GAN: variants seen among roughly 807,000 people sequenced by gnomAD.
The protein encoded by GAN is gigaxonin, also known as epididymis secretory sperm binding protein.
In GAN, 48 loss-of-function variants were observed where a neutral mutation model predicts 71.3. The observed-to-expected ratio is 0.67, with a 90% CI of 0.53 to 0.86. The LOEUF (loss-of-function observed/expected upper bound fraction) is 0.86. Among genes scored for constraint, GAN ranks in the 40% least tolerant of loss-of-function variants. GAN has a pLI of 0.00. For missense variants in GAN, 928 were observed against 770.1 expected (o/e 1.21, Z -2.43); for synonymous variants, 386 against 276.8 (o/e 1.39, Z -3.92).
chr16:81,353,232 C>T (rs1910360683), intron 2 of GAN, among the ~76,000 whole-genome samples: 1 of 145,564 alleles, frequency 6.9e-6, no homozygotes, highest in Non-Finnish European at 1.5e-5. Flanking sequence ...GCGGAGCCTG[C>T]AGTGAGCCGA....
chr16:81,368,933 G>A (rs547428828), intron 9 of GAN, among the ~76,000 whole-genome samples: 1 of 152,144 alleles, frequency 6.6e-6, no homozygotes, highest in African/African-American at 2.4e-5. Flanking sequence ...AAAGGTAATA[G>A]TTCTTAGCCA....
rs527439140 is a variant in GAN at position 81,318,756 on chromosome 16, G to A, written c.167+3476G>A. Among the ~76,000 whole-genome samples, 251 of 152,180 alleles carry A rather than the reference G, an allele frequency of 1.6e-3. 2 individuals carry two copies. Among genetic ancestry groups the A allele is most frequent in the African/African-American group, 5.7e-3 (236 of 41,492 alleles). ...ATTAGAAAGATTTTAAATATAAAAG[G>A]AAAAGGCCAGAAAACTCAGCTTTGG... On this transcript the variant is annotated intron_variant, in intron 1 of 10. Coordinates refer to ENST00000648994, the MANE Select transcript of GAN (RefSeq NM_022041.4).
chr16:81,338,894 T>G (rs909626880), intron 1 of GAN, among the ~76,000 whole-genome samples: 3 of 152,200 alleles, frequency 2.0e-5, no homozygotes, highest in East Asian at 3.9e-4. Flanking sequence ...GACAGGTAGA[T>G]GATCATCCAG....
At chr16:81,336,949 C>A (rs1255173851) in intron 1 of GAN, among the ~76,000 whole-genome samples, 1 of 152,006 alleles carries the variant, frequency 6.6e-6, no homozygotes, top group Non-Finnish European at 1.5e-5. Flanking sequence ...ATCATTGTCA[C>A]TCAAAGATTG....
rs546422737 is a variant in GAN, at chr16:81,344,776, T to A, written c.168-6807T>A. 3.9e-5 allele frequency among the ~76,000 whole-genome samples: 6 copies of A among 152,186 alleles called. No individual in the cohort carries two copies. In the South Asian group the frequency reaches 1.2e-3, roughly 32 times the overall value. ...ACAAATGGGATCTAATTAAAGAACT[T>A]CTGCACAGCAAAAGAAACTACCCTC... On this transcript the variant is annotated intron_variant, in intron 1 of 10. Transcript: ENST00000648994.
At chr16:81,353,770 A>C (rs1910386228) in intron 2 of GAN, among the ~76,000 whole-genome samples, 1 of 152,148 alleles carries the variant, frequency 6.6e-6, no homozygotes, top group South Asian at 2.1e-4. Context: ...AAAATTAAGG[A>C]AAAGTAGATG....
chr16:81,367,556 A>T (rs1203928806), intron 9 of GAN, among the ~76,000 whole-genome samples: 10 of 152,118 alleles, frequency 6.6e-5, no homozygotes, highest in Non-Finnish European at 1.3e-4. Flanking sequence ...TTCCAAATAA[A>T]ATTAATGTAT....
intron 9 of GAN, among the ~76,000 whole-genome samples, chr16:81,371,153 G>A (rs1261679561): frequency 2.0e-5 from 3 of 152,254 alleles, no homozygotes; most frequent in African/African-American, 4.8e-5. Flanking sequence ...TAAAATGTTT[G>A]TGTACTTTGT....
At chr16:81,364,416 C>A (rs1910781158) in intron 7 of GAN, among the ~76,000 whole-genome samples, 2 of 152,196 alleles carry the variant, frequency 1.3e-5, no homozygotes, top group Non-Finnish European at 2.9e-5. Context: ...CAGGTGTGCA[C>A]CACCACACCC....
At chr16:81,353,902 A>G (rs1253962643) in intron 2 of GAN, among the ~76,000 whole-genome samples, 1 of 152,206 alleles carries the variant, frequency 6.6e-6, no homozygotes, top group Admixed American at 6.5e-5. Context: ...GGGATGCGGA[A>G]TGAGGCTTCT....
chr16:81,336,921 C>G (rs1050717605), intron 1 of GAN, among the ~76,000 whole-genome samples: 1 of 152,050 alleles, frequency 6.6e-6, no homozygotes, highest in Non-Finnish European at 1.5e-5. Context: ...GTTACAATTC[C>G]TGAACCTACA....
At chr16:81,317,725 A>G (rs1909091755) in intron 1 of GAN, among the ~76,000 whole-genome samples, 1 of 152,258 alleles carries the variant, frequency 6.6e-6, no homozygotes, top group East Asian at 1.9e-4. Flanking sequence ...TTAGAGCATT[A>G]CTTGTATTTC....
intron 9 of GAN, among the ~76,000 whole-genome samples, chr16:81,376,465 ATGTGTGTGTGTGTGTGTGTG>A (rs56782049): frequency 2.8e-4 from 35 of 127,166 alleles, no homozygotes; most frequent in African/African-American, 5.1e-4. Flanking sequence ...ATACATACAT[ATGTGTGTGTGTGTGTGTGTG>A]TGTGTGTGTG....
intron 9 of GAN, 102 bp downstream of exon 9, chr16:81,365,580 A>G (rs1007778141): frequency 8.4e-7 from 1 of 1,189,950 alleles, no homozygotes; most frequent in Middle Eastern, 1.9e-4. Flanking sequence ...TTATTAAATT[A>G]TGGATTTAGG....
At chr16:81,344,604 T>G (rs191622813) in intron 1 of GAN, among the ~76,000 whole-genome samples, 10 of 152,160 alleles carry the variant, frequency 6.6e-5, no homozygotes, top group African/African-American at 1.9e-4. Context: ...TATACAAAAA[T>G]CAACTCAAGA....
rs1400261900 is a variant in GAN at position 81,382,079 on chromosome 16, A to T, written c.*4483A>T. 6.6e-6 allele frequency: 1 copy of T among 152,202 alleles called. No individual in the cohort carries two copies. Among genetic ancestry groups the T allele is most frequent in the Non-Finnish European group, 1.5e-5 (1 of 68,062 alleles). The allele number at this position is 152,202 out of a possible 1,614,324, so 9.4% of individuals were successfully genotyped here. ...TTGACTGCTTTTTATATGGGTGTCA[A>T]AATCTTTCCAGGACATACCCCTTTG... On this transcript the variant is annotated 3_prime_UTR_variant, in exon 11 of 11. Coordinates refer to ENST00000648994, the MANE Select transcript of GAN (RefSeq NM_022041.4).
intron 1 of GAN, among the ~76,000 whole-genome samples, chr16:81,347,773 T>C (rs1244714165): frequency 6.6e-6 from 1 of 152,190 alleles, no homozygotes; most frequent in Admixed American, 6.5e-5. Context: ...CTTGATCCTT[T>C]CCATATAGCC....
At chr16:81,319,042 G>C (rs1056091156) in intron 1 of GAN, among the ~76,000 whole-genome samples, 1 of 151,840 alleles carries the variant, frequency 6.6e-6, no homozygotes, top group South Asian at 2.1e-4. Context: ...CAGGCTGGGC[G>C]CAGTGGCTCA....
At chr16:81,376,843 C>T (rs1402102198) in intron 9 of GAN, among the ~76,000 whole-genome samples, 1 of 152,062 alleles carries the variant, frequency 6.6e-6, no homozygotes, top group African/African-American at 2.4e-5. Context: ...TGCCACTGCA[C>T]TCGGGAGGCC....
Sources: gnomAD v4.1 joint callset for allele counts (sites outside exome capture counted in the v4.1 genomes callset) on GRCh38, gnomAD v4.1.1 for gene constraint, MANE v1.5 for transcripts, NCBI Gene and HGNC (gene_info 2026-07-23, HGNC 2026-07-21) for gene names.